The following VEZT variants were observed in gnomAD, a reference collection of about 807,000 sequenced individuals.
The protein encoded by VEZT is vezatin, adherens junctions transmembrane protein, also known as vezatin.
A neutral mutation model predicts 79.9 loss-of-function variants in VEZT; 39 were observed. The observed-to-expected ratio is 0.49, with a 90% CI of 0.38 to 0.64. VEZT has a LOEUF of 0.64. Among genes scored for constraint, VEZT ranks in the 30% least tolerant of loss-of-function variants. The pLI is 0.00. For missense variants in VEZT, 837 were observed against 893.1 expected (o/e 0.94, Z 0.80); for synonymous variants, 325 against 327.6 (o/e 0.99, Z 0.09).
At chr12:95,246,405 G>A (rs1359679151) in intron 1 of VEZT, among the ~76,000 whole-genome samples, 1 of 152,210 alleles carries the variant, frequency 6.6e-6, no homozygotes, top group Non-Finnish European at 1.5e-5. Flanking sequence ...TTACAGGCGT[G>A]AGCCACCGCA....
chr12:95,224,220 G>A (rs750638704), intron 1 of VEZT: 2 of 456,052 alleles, frequency 4.4e-6, no homozygotes, highest in South Asian at 3.1e-5. Flanking sequence ...GAGGATGGAG[G>A]AAAGAGCGCC....
At chr12:95,219,439 G>T (rs2057233205) in intron 1 of VEZT, among the ~76,000 whole-genome samples, 1 of 152,124 alleles carries the variant, frequency 6.6e-6, no homozygotes, top group Non-Finnish European at 1.5e-5. Flanking sequence ...AAGACACAAT[G>T]TGTGTGTGAT....
chr12:95,251,902 A>G (rs1406531801), intron 1 of VEZT, 38 bp from the exon 2 acceptor site: 2 of 1,595,080 alleles, frequency 1.3e-6, no homozygotes, highest in Admixed American at 1.8e-5. Flanking sequence ...TGAAGTAGTA[A>G]TGATCTTGAA....
chr12:95,259,323 A>G (rs2063987380), intron 3 of VEZT, among the ~76,000 whole-genome samples: 2 of 151,910 alleles, frequency 1.3e-5, no homozygotes, highest in Admixed American at 1.3e-4. Context: ...TTTGTGTTCT[A>G]TAAGTTTTTG....
In VEZT at chr12:95,242,972, T is replaced by G. The variant is rs1240009421; in HGVS notation, c.37-8968T>G. Among the ~76,000 whole-genome samples, 3 of 152,248 alleles carry G rather than the reference T, an allele frequency of 2.0e-5. No individual in the cohort carries two copies. In the East Asian group the frequency reaches 5.8e-4, roughly 29 times the overall value. ...AAGTTTACATTTTTGTTCCATAGTA[T>G]TTTCTTAAGCCTTTTATACCAGACT... On this transcript the variant is annotated intron_variant, in intron 1 of 11. Coordinates refer to ENST00000436874, the MANE Select transcript of VEZT (RefSeq NM_017599.4).
At chr12:95,222,719 T>G (rs1161200708) in intron 1 of VEZT, among the ~76,000 whole-genome samples, 1 of 152,174 alleles carries the variant, frequency 6.6e-6, no homozygotes, top group African/African-American at 2.4e-5. Context: ...TACTGAGACT[T>G]TGATTGAAAT....
intron 1 of VEZT, among the ~76,000 whole-genome samples, chr12:95,245,202 C>G (rs970684120): frequency 3.3e-5 from 5 of 152,046 alleles, no homozygotes; most frequent in African/African-American, 1.2e-4. Flanking sequence ...CCACTGCACT[C>G]CAGCCTGGGT....
intron 6 of VEZT, among the ~76,000 whole-genome samples, chr12:95,270,585 G>T (rs1162501390): frequency 6.6e-6 from 1 of 152,196 alleles, no homozygotes; most frequent in African/African-American, 2.4e-5. Context: ...GGTTCTAGGA[G>T]CAGAATGGCT....
intron 1 of VEZT, among the ~76,000 whole-genome samples, chr12:95,249,346 A>G (rs1000735627): frequency 1.3e-5 from 2 of 152,100 alleles, no homozygotes; most frequent in Non-Finnish European, 2.9e-5. Context: ...ATGAACTGGC[A>G]TTCTTGTTCT....
At chr12:95,227,846 A>C (rs1353997998) in intron 1 of VEZT, among the ~76,000 whole-genome samples, 1 of 152,172 alleles carries the variant, frequency 6.6e-6, no homozygotes, top group Admixed American at 6.5e-5. Flanking sequence ...GACTTTTTAA[A>C]TCTGAAAGAC....
At chr12:95,228,325 C>T (rs2058779577) in intron 1 of VEZT, among the ~76,000 whole-genome samples, 1 of 152,154 alleles carries the variant, frequency 6.6e-6, no homozygotes, top group Admixed American at 6.5e-5. Flanking sequence ...CTCTGAGGAA[C>T]ATGAAGGTAC....
chr12:95,249,953 C>A (rs1424649275), intron 1 of VEZT, among the ~76,000 whole-genome samples: 1 of 151,024 alleles, frequency 6.6e-6, no homozygotes. Context: ...TGAACCTTAA[C>A]TGAGAAGATG....
chr12:95,235,483 G>C (rs2059955332), intron 1 of VEZT, among the ~76,000 whole-genome samples: 1 of 139,510 alleles, frequency 7.2e-6, no homozygotes, highest in African/African-American at 2.7e-5. Context: ...TTCCCAGTAG[G>C]GGCGGCCGGG....
At chr12:95,286,378 A>G (rs889874351) in intron 8 of VEZT, 1 of 496,666 alleles carries the variant, frequency 2.0e-6, no homozygotes, top group Non-Finnish European at 4.0e-6. Flanking sequence ...AGGATACTTC[A>G]TATTTGCCTT....
chr12:95,227,945 G>A (rs73374246), intron 1 of VEZT, among the ~76,000 whole-genome samples: 15,794 of 152,058 alleles, frequency 0.1, 917 homozygotes, highest in African/African-American at 0.15. Flanking sequence ...TGTATTAAAG[G>A]GATCTTTTAC....
intron 5 of VEZT, among the ~76,000 whole-genome samples, chr12:95,267,107 C>T (rs1001910406): frequency 6.6e-6 from 1 of 152,166 alleles, no homozygotes; most frequent in Admixed American, 6.5e-5. Context: ...CTCAGAATAT[C>T]ATGCAAATAG....
In VEZT at chr12:95,262,865, T is replaced by C. The variant is rs781271582; in HGVS notation, c.259-41T>C. ...GAGCTTAGCGTTTAATGCAATATTA[T>C]ATATGTGTTAATACCTCTCTTCTGG... On this transcript the variant is annotated intron_variant, in intron 3 of 11. Coordinates refer to ENST00000436874, the MANE Select transcript of VEZT (RefSeq NM_017599.4). 13 of 1,473,838 alleles carry C rather than the reference T, an allele frequency of 8.8e-6. No individual in the cohort carries two copies. The East Asian group carries it at 2.8e-4, about 31-fold the overall frequency. The allele number at this position is 1,473,838 out of a possible 1,614,324, so 91.3% of individuals were successfully genotyped here.
chr12:95,275,034 C>A, intron 7 of VEZT, 145 bp downstream of exon 7: 2 of 995,708 alleles, frequency 2.0e-6, no homozygotes, highest in Non-Finnish European at 2.7e-6. Flanking sequence ...ATGTTTGTAA[C>A]TCTGTCTTTA....
rs542357075 is a variant in VEZT, at chr12:95,268,270, C to A, written c.710+1638C>A. Among the ~76,000 whole-genome samples, 131 of 152,082 alleles carry A rather than the reference C, an allele frequency of 8.6e-4. 1 individual carries two copies. The highest frequency in any genetic ancestry group is 3.4e-3 in the Middle Eastern group (1 of 294). ...CAGCACTTTGGGAGGCCGAGGCGGG[C>A]GGATCACGAGGTCAGGAGATCGTAG... is the stretch of plus-strand genomic sequence containing the variant. On this transcript the variant is annotated intron_variant, in intron 5 of 11. Coordinates refer to ENST00000436874, the MANE Select transcript of VEZT (RefSeq NM_017599.4).
Sources: allele counts gnomAD v4.1 joint callset (sites outside exome capture counted in the v4.1 genomes callset), GRCh38; gene constraint gnomAD v4.1.1; transcripts MANE v1.5; gene names NCBI Gene and HGNC (gene_info 2026-07-23, HGNC 2026-07-21).